Variants in PHF20 observed in about 807,000 individuals in gnomAD.
PHF20 encodes PHD finger protein 20, also known as glioma-expressed antigen 2.
Under a neutral mutation model 113.5 loss-of-function variants are expected in PHF20, and 23 were observed. That is an observed-to-expected ratio of 0.20 (90% confidence interval 0.15 to 0.29). The LOEUF is 0.29. Among genes scored for constraint, PHF20 ranks in the 10% least tolerant of loss-of-function variants. The probability of loss-of-function intolerance (pLI) is 1.00; values close to 1 mark genes in which losing one functional copy is unlikely to be tolerated. For missense variants in PHF20, 943 were observed against 1,219.6 expected (o/e 0.77, Z 3.38); for synonymous variants, 434 against 457.3 (o/e 0.95, Z 0.65).
chr20:35,944,924 G>A (rs1187748413), intron 17 of PHF20, among the ~76,000 whole-genome samples: 1 of 152,160 alleles, frequency 6.6e-6, no homozygotes, highest in East Asian at 1.9e-4. Flanking sequence ...TTTTTTTAAA[G>A]ACTTACTGGT....
chr20:35,903,014 CTTTTTTCT>C (rs1241437345), intron 10 of PHF20, among the ~76,000 whole-genome samples: 1 of 114,606 alleles, frequency 8.7e-6, no homozygotes, highest in Non-Finnish European at 1.9e-5. Context: ...ATTTTCTTTT[CTTTTTTCT>C]TTTTTTTTTT....
intron 1 of PHF20, among the ~76,000 whole-genome samples, chr20:35,784,362 T>C (rs112928544): frequency 0.048 from 7,191 of 150,308 alleles, 213 homozygotes; most frequent in African/African-American, 0.089. Context: ...ACATTTTTTT[T>C]CCCCTCATTT....
At chr20:35,818,693 C>T (rs75333313) in intron 2 of PHF20, among the ~76,000 whole-genome samples, 7,271 of 152,118 alleles carry the variant, frequency 0.048, 212 homozygotes, top group African/African-American at 0.089. Context: ...CATGCCACTG[C>T]ACCTGGCTCA....
chr20:35,868,477 G>T (rs1340881489), intron 6 of PHF20, among the ~76,000 whole-genome samples: 1 of 147,610 alleles, frequency 6.8e-6, no homozygotes, highest in Non-Finnish European at 1.5e-5. Context: ...GGTATGGCAG[G>T]TGCCTGTAAT....
chr20:35,947,396 A>T, intron 17 of PHF20, 89 bp from the exon 18 acceptor site: 1 of 1,411,938 alleles, frequency 7.1e-7, no homozygotes. Flanking sequence ...CCCATGTCTG[A>T]TGGAATAAGG....
chr20:35,844,168 T>C (rs1479108172), intron 3 of PHF20, among the ~76,000 whole-genome samples: 1 of 151,964 alleles, frequency 6.6e-6, no homozygotes, highest in Non-Finnish European at 1.5e-5. Context: ...AGTGGCTCGA[T>C]CTCACCTCAC....
intron 4 of PHF20, among the ~76,000 whole-genome samples, chr20:35,857,498 G>A (rs999925102): frequency 2.7e-4 from 40 of 149,908 alleles, no homozygotes; most frequent in Admixed American, 3.3e-4. Flanking sequence ...AATTCAAATG[G>A]ATTTTGAGTT....
chr20:35,880,303 AG>A (rs2054604870), intron 9 of PHF20, among the ~76,000 whole-genome samples: 1 of 152,184 alleles, frequency 6.6e-6, no homozygotes, highest in South Asian at 2.1e-4. Context: ...GCATGACCAT[AG>A]GGCGATTTCT....
chr20:35,939,506 T>G (rs1301734889), intron 16 of PHF20, among the ~76,000 whole-genome samples: 2 of 152,244 alleles, frequency 1.3e-5, no homozygotes, highest in Non-Finnish European at 2.9e-5. Context: ...TTAGGCAGAA[T>G]TTTTTCAATC....
intron 2 of PHF20, among the ~76,000 whole-genome samples, chr20:35,815,024 C>T (rs62211723): frequency 7.4e-5 from 11 of 149,196 alleles, no homozygotes; most frequent in Admixed American, 4.7e-4. Context: ...GATGAAACCC[C>T]GTCTCTACTA....
chr20:35,937,874 T>C (rs1477636637), intron 15 of PHF20, among the ~76,000 whole-genome samples: 1 of 152,124 alleles, frequency 6.6e-6, no homozygotes, highest in Non-Finnish European at 1.5e-5. Flanking sequence ...GTTGTTGTTT[T>C]GTTTTGTTTT....
At chr20:35,795,789 G>A (rs1288065795) in intron 1 of PHF20, among the ~76,000 whole-genome samples, 1 of 152,010 alleles carries the variant, frequency 6.6e-6, no homozygotes. Context: ...TTATAATGGG[G>A]ATTAATATAG....
At chr20:35,815,565 A>G (rs917525384) in intron 2 of PHF20, among the ~76,000 whole-genome samples, 25 of 152,162 alleles carry the variant, frequency 1.6e-4, no homozygotes, top group Middle Eastern at 3.4e-3. Flanking sequence ...TCCCTGGTTC[A>G]GGTGATTCTC....
intron 4 of PHF20, among the ~76,000 whole-genome samples, chr20:35,853,842 C>G (rs2042782372): frequency 6.6e-6 from 1 of 151,628 alleles, no homozygotes; most frequent in Non-Finnish European, 1.5e-5. Flanking sequence ...ACAACCTCTG[C>G]CTCCCAGGTT....
intron 12 of PHF20, 40 bp from the exon 13 acceptor site, chr20:35,917,444 T>C: frequency 6.5e-7 from 1 of 1,539,648 alleles, no homozygotes. Flanking sequence ...TTTAATTTTA[T>C]AACCTAAAAT....
chr20:35,898,599 T>C (rs1205685569), intron 9 of PHF20, among the ~76,000 whole-genome samples: 2 of 151,948 alleles, frequency 1.3e-5, no homozygotes, highest in Non-Finnish European at 2.9e-5. Flanking sequence ...CATGCCTGGC[T>C]AATTTTTTTG....
At chr20:35,899,169 A>G (rs745737068) in intron 9 of PHF20, among the ~76,000 whole-genome samples, 8 of 152,152 alleles carry the variant, frequency 5.3e-5, no homozygotes, top group Non-Finnish European at 1.2e-4. Context: ...CTTCCTAAAG[A>G]TGAATCACAA....
intron 13 of PHF20, among the ~76,000 whole-genome samples, chr20:35,925,369 G>A (rs1435162005): frequency 6.7e-6 from 1 of 150,228 alleles, no homozygotes; most frequent in African/African-American, 2.5e-5. Context: ...AAGCAATTTT[G>A]AACCTGCTTC....
intron 2 of PHF20, among the ~76,000 whole-genome samples, chr20:35,811,599 C>T (rs140541351): frequency 2.3e-3 from 349 of 152,050 alleles, no homozygotes; most frequent in Admixed American, 5.0e-3. Context: ...TGCGCCACCA[C>T]GCTCAGCTAA....
Sources: gnomAD v4.1 joint callset for allele counts (sites outside exome capture counted in the v4.1 genomes callset) on GRCh38, gnomAD v4.1.1 for gene constraint, MANE v1.5 for transcripts, NCBI Gene and HGNC (gene_info 2026-07-23, HGNC 2026-07-21) for gene names.